HEMK2: variants seen among roughly 807,000 people sequenced by gnomAD.
HEMK2 encodes the protein methyltransferase HEMK2.
At chr21:28,841,123 A>AT in the HEMK2 span, among the ~76,000 whole-genome samples, 1 of 51,610 alleles carries the variant, frequency 1.9e-5, no homozygotes, top group Non-Finnish European at 3.0e-5. Flanking sequence ...TATTATATAT[A>AT]ATATATAATA....
the HEMK2 span, among the ~76,000 whole-genome samples, chr21:28,632,565 T>C: frequency 2.0e-5 from 3 of 152,356 alleles, no homozygotes; most frequent in African/African-American, 2.4e-5. Flanking sequence ...TAGAAAGAAG[T>C]GTTAGAGAGC....
At chr21:28,840,275 T>C in the HEMK2 span, among the ~76,000 whole-genome samples, 6 of 152,270 alleles carry the variant, frequency 3.9e-5, no homozygotes, top group East Asian at 5.8e-4. Flanking sequence ...GAAGATAACA[T>C]TGGAAAAACC....
the HEMK2 span, among the ~76,000 whole-genome samples, chr21:28,596,537 C>G: frequency 6.6e-6 from 1 of 152,094 alleles, no homozygotes; most frequent in African/African-American, 2.4e-5. Flanking sequence ...CCAGGATATA[C>G]AGTGAAAGAG....
chr21:28,701,886 A>G, the HEMK2 span, among the ~76,000 whole-genome samples: 1 of 152,058 alleles, frequency 6.6e-6, no homozygotes, highest in Admixed American at 6.6e-5. Flanking sequence ...CAAACCTAAG[A>G]AAAAAAGAGT....
the HEMK2 span, among the ~76,000 whole-genome samples, chr21:28,829,189 T>A: frequency 1.3e-5 from 2 of 152,206 alleles, no homozygotes; most frequent in Non-Finnish European, 2.9e-5. Context: ...TTAGAACAAG[T>A]GAAATTGCTA....
chr21:28,801,599 AG>A, the HEMK2 span, among the ~76,000 whole-genome samples: 1 of 152,162 alleles, frequency 6.6e-6, no homozygotes, highest in Non-Finnish European at 1.5e-5. Context: ...ATATCACAAA[AG>A]GCTACTCTCC....
At chr21:28,699,827 C>T in the HEMK2 span, among the ~76,000 whole-genome samples, 1 of 152,058 alleles carries the variant, frequency 6.6e-6, no homozygotes, top group Non-Finnish European at 1.5e-5. Context: ...TCGTCATGCC[C>T]CATGAAATGG....
At chr21:28,701,186 T>C in the HEMK2 span, among the ~76,000 whole-genome samples, 1 of 152,132 alleles carries the variant, frequency 6.6e-6, no homozygotes, top group Non-Finnish European at 1.5e-5. Context: ...ACAGCCAACA[T>C]CATACAGAAT....
At chr21:28,774,411 G>T in the HEMK2 span, among the ~76,000 whole-genome samples, 8 of 152,004 alleles carry the variant, frequency 5.3e-5, no homozygotes, top group Non-Finnish European at 8.8e-5. Flanking sequence ...AACATGGTGA[G>T]ACACTGTCTC....
At chr21:28,740,033 T>C in the HEMK2 span, among the ~76,000 whole-genome samples, 28 of 152,198 alleles carry the variant, frequency 1.8e-4, no homozygotes, top group Non-Finnish European at 3.5e-4. Context: ...TCCCAACACC[T>C]TGTGTAAATT....
chr21:28,612,643 G>T, the HEMK2 span, among the ~76,000 whole-genome samples: 1 of 152,122 alleles, frequency 6.6e-6, no homozygotes, highest in East Asian at 1.9e-4. Flanking sequence ...AAGTCAACCT[G>T]TCACTGTTTG....
chr21:28,771,325 T>C, the HEMK2 span, among the ~76,000 whole-genome samples: 3 of 152,166 alleles, frequency 2.0e-5, no homozygotes, highest in Admixed American at 1.3e-4. Context: ...TAAAGTCAGA[T>C]ATTTTCATAT....
the HEMK2 span, among the ~76,000 whole-genome samples, chr21:28,756,787 G>C: frequency 6.6e-6 from 1 of 152,170 alleles, no homozygotes; most frequent in Admixed American, 6.5e-5. Flanking sequence ...ATTAACATAA[G>C]AAACCAAAAC....
At chr21:28,587,398 G>A in the HEMK2 span, among the ~76,000 whole-genome samples, 1 of 152,100 alleles carries the variant, frequency 6.6e-6, no homozygotes, top group Non-Finnish European at 1.5e-5. Context: ...AGATTAATTG[G>A]TTGGTTTTTA....
chr21:28,865,706 G>A, the HEMK2 span, among the ~76,000 whole-genome samples: 1 of 152,032 alleles, frequency 6.6e-6, no homozygotes, highest in South Asian at 2.1e-4. Context: ...GCCTTTCCAT[G>A]CACTCTTCCC....
At chr21:28,693,297 T>C in the HEMK2 span, among the ~76,000 whole-genome samples, 3 of 152,172 alleles carry the variant, frequency 2.0e-5, no homozygotes, top group Non-Finnish European at 4.4e-5. Context: ...GAAGGTGGCA[T>C]TTGTGAGGGG....
the HEMK2 span, among the ~76,000 whole-genome samples, chr21:28,630,357 G>A: frequency 1.1e-4 from 16 of 152,070 alleles, no homozygotes; most frequent in Admixed American, 7.2e-4. Context: ...CAACCATTGC[G>A]GAAGTCAGTG....
At chr21:28,600,191 G>A in the HEMK2 span, among the ~76,000 whole-genome samples, 2 of 152,234 alleles carry the variant, frequency 1.3e-5, no homozygotes. Flanking sequence ...TTTCCCTTTG[G>A]CACTGCCATA....
the HEMK2 span, among the ~76,000 whole-genome samples, chr21:28,708,895 C>T: frequency 6.6e-6 from 1 of 152,186 alleles, no homozygotes; most frequent in South Asian, 2.1e-4. Context: ...TAAATGAAGA[C>T]TGTCTTAGTT....
Sources: gnomAD v4.1 joint callset for allele counts (sites outside exome capture counted in the v4.1 genomes callset) on GRCh38, gnomAD v4.1.1 for gene constraint, MANE v1.5 for transcripts, NCBI Gene and HGNC (gene_info 2026-07-23, HGNC 2026-07-21) for gene names.